GLI2: variants seen among roughly 807,000 people sequenced by gnomAD.
GLI2 encodes transcription activator GLI2.
In GLI2, 22 loss-of-function variants were observed where a neutral mutation model predicts 78.9. The observed-to-expected ratio is 0.28, with a 90% CI of 0.20 to 0.40. The LOEUF (loss-of-function observed/expected upper bound fraction) is 0.40. Among genes scored for constraint, GLI2 ranks in the 10% least tolerant of loss-of-function variants. The pLI is 1.00. For synonymous variants in GLI2, 974 were observed against 963.7 expected (o/e 1.01, Z -0.20); for missense variants, 2,097 against 2,213.2 (o/e 0.95, Z 1.05).
intron 3 of GLI2, among the ~76,000 whole-genome samples, chr2:120,945,200 G>A (rs1466044): frequency 0.84 from 128,026 of 152,246 alleles, 57,666 homozygotes; most frequent in East Asian, 1. Context: ...AAGCATAGGC[G>A]TCCTCCACTG....
chr2:120,789,005 A>G (rs182903847), intron 1 of GLI2, among the ~76,000 whole-genome samples: 388 of 150,448 alleles, frequency 2.6e-3, no homozygotes, highest in African/African-American at 8.9e-3. Flanking sequence ...TTCCCCTTCA[A>G]TCTGGCTTAT....
At chr2:120,820,416 T>G (rs1685708258) in intron 2 of GLI2, among the ~76,000 whole-genome samples, 1 of 152,184 alleles carries the variant, frequency 6.6e-6, no homozygotes, top group Non-Finnish European at 1.5e-5. Flanking sequence ...AGCCAGCTGG[T>G]GAGCATTAGT....
intron 11 of GLI2, 84 bp from the exon 12 acceptor site, chr2:120,984,387 T>C: frequency 7.0e-7 from 1 of 1,432,940 alleles, no homozygotes; most frequent in Non-Finnish European, 9.8e-7. Flanking sequence ...GGGGCGTGGG[T>C]AGCTTCAGGA....
chr2:120,961,416 G>A (rs182704534), intron 5 of GLI2, among the ~76,000 whole-genome samples: 6 of 152,316 alleles, frequency 3.9e-5, no homozygotes, highest in East Asian at 3.9e-4. Flanking sequence ...AGGTCCCTGC[G>A]TGAGATGGTG....
intron 2 of GLI2, among the ~76,000 whole-genome samples, chr2:120,920,041 T>G (rs1267531045): frequency 6.6e-6 from 1 of 152,244 alleles, no homozygotes; most frequent in African/African-American, 2.4e-5. Context: ...GTTTCTTCTC[T>G]GGTCCAGGCC....
chr2:120,902,084 A>T (rs1002172174), intron 2 of GLI2, among the ~76,000 whole-genome samples: 1 of 151,916 alleles, frequency 6.6e-6, no homozygotes, highest in African/African-American at 2.4e-5. Context: ...CATCTCTCCC[A>T]AACTATATGC....
At chr2:120,859,332 T>C (rs1356930732) in intron 2 of GLI2, among the ~76,000 whole-genome samples, 1 of 152,234 alleles carries the variant, frequency 6.6e-6, no homozygotes, top group African/African-American at 2.4e-5. Context: ...GGAATGTCAT[T>C]GGAGCTTAAG....
chr2:120,879,584 C>T (rs986336444), intron 2 of GLI2, among the ~76,000 whole-genome samples: 10 of 152,166 alleles, frequency 6.6e-5, no homozygotes, highest in Non-Finnish European at 1.2e-4. Context: ...AGCCAGGCCA[C>T]GGCGGGCTGG....
chr2:120,987,245 G>GCC (rs1226035132), intron 13 of GLI2, among the ~76,000 whole-genome samples: 2 of 152,218 alleles, frequency 1.3e-5, no homozygotes, highest in East Asian at 3.9e-4. Context: ...GTGCCGGGCT[G>GCC]CCCACTGTGG....
chr2:120,780,108 G>A lies in GLI2; in HGVS notation c.-30-17183G>A, dbSNP rs148219076. Among the ~76,000 whole-genome samples, 1,018 of 151,146 alleles carry A rather than the reference G, an allele frequency of 6.7e-3. 4 individuals carry two copies. Among genetic ancestry groups the A allele is most frequent in the Non-Finnish European group, 0.011 (773 of 67,830 alleles). On this transcript the variant is annotated intron_variant, in intron 1 of 13. Transcript: ENST00000361492. ...GCACATAAATACCTTTGGGTTTCTC[G>A]GTTCTCAGAAAGGCATCTATTACTC...
chr2:120,827,645 T>C (rs1291181003), intron 2 of GLI2, among the ~76,000 whole-genome samples: 6 of 152,138 alleles, frequency 3.9e-5, no homozygotes, highest in African/African-American at 7.2e-5. Flanking sequence ...CAAGGGTCCA[T>C]TGATGGATGA....
Position 120,968,724 on chromosome 2 carries a change from C to T in GLI2, c.654C>T (p.Phe218=), listed in dbSNP as rs749779386. Reference sequence around the variant, plus strand: ...TTGACTATCCCACAGTGTCCCGTTTCTCCAGCCCGCGGGTGACGCCCCGCC... The same window carrying T: ...TTGACTATCCCACAGTGTCCCGTTTTTCCAGCCCGCGGGTGACGCCCCGCC... The part of the protein sequence containing the change: ...DYLNPVDVSR[F]SSPRVTPRLS... Residue 218 remains phenylalanine (F), a synonymous_variant, in exon 6 of 14, where the codon TTC becomes TTT. Transcript: ENST00000361492. The T allele has an allele frequency of 4.3e-6, 7 of 1,611,924 alleles. No homozygotes were observed. The highest frequency in any genetic ancestry group is 1.3e-5 in the African/African-American group (1 of 74,992).
chr2:120,950,018 A>G (rs1558907328), intron 3 of GLI2, among the ~76,000 whole-genome samples: 1 of 152,220 alleles, frequency 6.6e-6, no homozygotes, highest in African/African-American at 2.4e-5. Flanking sequence ...CTCCCGGGCA[A>G]TGCTAGGTTA....
intron 3 of GLI2, among the ~76,000 whole-genome samples, chr2:120,939,607 C>A (rs1272851418): frequency 6.6e-6 from 1 of 152,186 alleles, no homozygotes; most frequent in Non-Finnish European, 1.5e-5. Flanking sequence ...CACGTTCTTC[C>A]GAAGATTTTC....
chr2:120,779,817 T>G (rs1683784685), intron 1 of GLI2, among the ~76,000 whole-genome samples: 1 of 152,108 alleles, frequency 6.6e-6, no homozygotes, highest in Non-Finnish European at 1.5e-5. Context: ...CCATCCTGCC[T>G]CCCCGGGCCA....
chr2:120,825,365 G>A (rs576895654), intron 2 of GLI2, among the ~76,000 whole-genome samples: 38 of 140,998 alleles, frequency 2.7e-4, no homozygotes, highest in Admixed American at 1.5e-3. Context: ...TGGCTGTGAG[G>A]AGTGTGCAAC....
At chr2:120,906,800 C>T (rs889445980) in intron 2 of GLI2, among the ~76,000 whole-genome samples, 4 of 152,198 alleles carry the variant, frequency 2.6e-5, no homozygotes, top group Non-Finnish European at 5.9e-5. Context: ...CATCCTTCCT[C>T]CAGAATGCTT....
At chr2:120,926,072 CAAAAAAAA>C (rs35224973) in intron 2 of GLI2, among the ~76,000 whole-genome samples, 3 of 63,236 alleles carry the variant, frequency 4.7e-5, no homozygotes, top group African/African-American at 2.4e-4. Context: ...GACTCCGTCT[CAAAAAAAA>C]AAAAAAAAAA....
intron 2 of GLI2, among the ~76,000 whole-genome samples, chr2:120,902,521 G>A (rs964526139): frequency 1.6e-4 from 25 of 152,314 alleles, no homozygotes; most frequent in African/African-American, 6.0e-4. Flanking sequence ...AAAATAAGGA[G>A]GGAAGGGGGA....
Sources: allele counts gnomAD v4.1 joint callset (sites outside exome capture counted in the v4.1 genomes callset), GRCh38; gene constraint gnomAD v4.1.1; transcripts MANE v1.5; gene names NCBI Gene and HGNC (gene_info 2026-07-23, HGNC 2026-07-21).